Variants in CCNYL1 observed in about 807,000 individuals in gnomAD.
The protein encoded by CCNYL1 is cyclin Y like 1, also known as cyclin-Y-like protein 1.
A neutral mutation model predicts 44.2 loss-of-function variants in CCNYL1; 16 were observed. The observed-to-expected ratio is 0.36, with a 90% CI of 0.25 to 0.55. The LOEUF is 0.55. Among genes scored for constraint, CCNYL1 ranks in the 20% least tolerant of loss-of-function variants. The probability of loss-of-function intolerance (pLI) is 0.85; values close to 1 mark genes in which losing one functional copy is unlikely to be tolerated. For missense variants in CCNYL1, 348 were observed against 451.8 expected, an observed-to-expected ratio of 0.77 and a Z score of 2.08; for synonymous variants, 159 against 163.2, an observed-to-expected ratio of 0.97 and a Z score of 0.20.
rs575464451 is a variant in CCNYL1, at chr2:207,722,046, T to C, written c.221-2754T>C. ...ATTTGGCTTTTTTCTCTATATCTTA[T>C]CATTTCTGTTATCCTAGTTGCCTTG... On this transcript the variant is annotated intron_variant, in intron 1 of 9. Transcript: ENST00000295414. Among the ~76,000 whole-genome samples, 34 of 151,498 alleles carry C rather than the reference T, an allele frequency of 2.2e-4. No individual in the cohort carries two copies. In the South Asian group the frequency reaches 6.7e-3, roughly 30 times the overall value.
rs375394289 is a variant in CCNYL1, at chr2:207,737,117, G to A, written c.432-294G>A. Among the ~76,000 whole-genome samples the A allele has an allele frequency of 8.5e-5, 13 of 152,168 alleles. No individual in the cohort carries two copies. The East Asian group carries it at 1.5e-3, about 18-fold the overall frequency. ...TTTTTAGTAGAGACGGGGTTTCACC[G>A]TGTTAGCCAGGATGGTCTCGATCTC... On this transcript the variant is annotated intron_variant, in intron 4 of 9. Coordinates refer to ENST00000295414, the MANE Select transcript of CCNYL1 (RefSeq NM_001330218.2).
chr2:207,734,793 A>G lies in CCNYL1; in HGVS notation c.431+746A>G, dbSNP rs368591635. 1.1e-4 allele frequency among the ~76,000 whole-genome samples: 17 copies of G among 152,050 alleles called. 1 individual carries two copies. Among genetic ancestry groups the G allele is most frequent in the South Asian group, 6.2e-4 (3 of 4,820 alleles). Reference sequence around the variant, plus strand: ...CTAGCTTTTTTTTTTAGTTAATTCAATTGTCAGTAACTTCTACTTTAAAAG... The same window carrying G: ...CTAGCTTTTTTTTTTAGTTAATTCAGTTGTCAGTAACTTCTACTTTAAAAG... On this transcript the variant is annotated intron_variant, in intron 4 of 9. Transcript: ENST00000295414.
chr2:207,742,437 A>G, intron 7 of CCNYL1, 95 bp downstream of exon 7: 1 of 1,162,072 alleles, frequency 8.6e-7, no homozygotes, highest in Non-Finnish European at 1.2e-6. Context: ...TCCTGAAATT[A>G]TCATCAGAAC....
chr2:207,742,495 A>G (rs1005831880), intron 7 of CCNYL1, among the ~76,000 whole-genome samples, 153 bp downstream of exon 7: 3 of 152,230 alleles, frequency 2.0e-5, no homozygotes, highest in African/African-American at 7.2e-5. Context: ...ATTCGCGTTT[A>G]ATCATCATTA....
chr2:207,737,693 T>TTA (rs1559170030), intron 5 of CCNYL1, among the ~76,000 whole-genome samples: 3 of 146,728 alleles, frequency 2.0e-5, no homozygotes, highest in Admixed American at 1.4e-4. Context: ...GTTGAGAATT[T>TTA]AAAAAAAAAA....
intron 1 of CCNYL1, among the ~76,000 whole-genome samples, chr2:207,718,051 C>A (rs1192286837): frequency 6.6e-6 from 1 of 151,648 alleles, no homozygotes; most frequent in East Asian, 1.9e-4. Context: ...GCTACAAGCA[C>A]GTGCCACCAC....
chr2:207,747,514 A>G (rs917692929), intron 8 of CCNYL1, among the ~76,000 whole-genome samples: 7 of 152,142 alleles, frequency 4.6e-5, no homozygotes, highest in East Asian at 1.9e-4. Flanking sequence ...CAAGTATACT[A>G]CCAGAACAAC....
chr2:207,729,895 T>C (rs2105826992), intron 3 of CCNYL1, among the ~76,000 whole-genome samples: 1 of 150,538 alleles, frequency 6.6e-6, no homozygotes, highest in African/African-American at 2.5e-5. Flanking sequence ...TTTTTTTTTT[T>C]AGTAGAGACA....
intron 9 of CCNYL1, among the ~76,000 whole-genome samples, chr2:207,752,060 G>A (rs1482801731): frequency 6.6e-6 from 1 of 151,892 alleles, no homozygotes; most frequent in Non-Finnish European, 1.5e-5. Flanking sequence ...TTTTCTTTGC[G>A]ACTGTATTCC....
intron 1 of CCNYL1, among the ~76,000 whole-genome samples, chr2:207,718,836 T>A (rs537729378): frequency 6.6e-6 from 1 of 152,378 alleles, no homozygotes; most frequent in Non-Finnish European, 1.5e-5. Flanking sequence ...CCTGAAGGCA[T>A]ACCCCATAAA....
intron 8 of CCNYL1, among the ~76,000 whole-genome samples, chr2:207,748,152 T>C (rs189762002): frequency 6.6e-6 from 1 of 152,292 alleles, no homozygotes. Context: ...GATATGAAGA[T>C]CCCTGTGCCC....
intron 3 of CCNYL1, among the ~76,000 whole-genome samples, chr2:207,730,699 A>G (rs984834102): frequency 1.3e-5 from 2 of 152,190 alleles, no homozygotes; most frequent in Admixed American, 1.3e-4. Context: ...TGGAAGCTGC[A>G]GTGAGCCAAG....
chr2:207,728,494 T>A (rs965510578), intron 3 of CCNYL1, among the ~76,000 whole-genome samples: 2 of 152,144 alleles, frequency 1.3e-5, no homozygotes, highest in African/African-American at 4.8e-5. Flanking sequence ...CAGGCTGGTC[T>A]CAAACTCCTG....
intron 7 of CCNYL1, 91 bp from the exon 8 acceptor site, chr2:207,746,956 C>G (rs927107688): frequency 9.4e-7 from 1 of 1,059,632 alleles, no homozygotes; most frequent in African/African-American, 1.7e-5. Context: ...GCCTGGGCAA[C>G]AAGAGTGAAA....
chr2:207,716,549 A>C (rs1423485054), intron 1 of CCNYL1, among the ~76,000 whole-genome samples: 1 of 152,160 alleles, frequency 6.6e-6, no homozygotes, highest in Non-Finnish European at 1.5e-5. Flanking sequence ...GAGTGCTCCA[A>C]GATATCTTTC....
At chr2:207,740,337 G>A (rs1037092871) in intron 5 of CCNYL1, among the ~76,000 whole-genome samples, 1 of 152,162 alleles carries the variant, frequency 6.6e-6, no homozygotes, top group African/African-American at 2.4e-5. Flanking sequence ...AAACGTTCTT[G>A]AGTTCCAATG....
intron 4 of CCNYL1, among the ~76,000 whole-genome samples, chr2:207,736,194 A>G (rs985225308): frequency 6.6e-6 from 1 of 152,210 alleles, no homozygotes; most frequent in Admixed American, 6.5e-5. Context: ...GTTAAAATCA[A>G]TTTGGACATG....
intron 4 of CCNYL1, 135 bp downstream of exon 4, chr2:207,734,182 A>T (rs113979898): frequency 1.8e-6 from 1 of 552,724 alleles, no homozygotes. Context: ...TCAACTATAT[A>T]TTGATTTCAA....
intron 1 of CCNYL1, among the ~76,000 whole-genome samples, chr2:207,719,481 A>G (rs571494137): frequency 1.3e-5 from 2 of 151,970 alleles, no homozygotes; most frequent in South Asian, 4.2e-4. Flanking sequence ...TTATATTTTT[A>G]GTAGAGAAGG....
Sources: gnomAD v4.1 joint callset for allele counts (sites outside exome capture counted in the v4.1 genomes callset) on GRCh38, gnomAD v4.1.1 for gene constraint, MANE v1.5 for transcripts, NCBI Gene and HGNC (gene_info 2026-07-23, HGNC 2026-07-21) for gene names.